Variants in FGF13 observed in about 807,000 individuals in gnomAD.
The protein encoded by FGF13 is fibroblast growth factor 13.
FGF13 carries 2 observed loss-of-function variants against 19.5 expected under a neutral mutation model. The observed-to-expected ratio is 0.10, with a 90% CI of 0.04 to 0.32. FGF13 has a LOEUF of 0.32. Among genes scored for constraint, FGF13 ranks in the 10% least tolerant of loss-of-function variants. The probability of loss-of-function intolerance (pLI) is 1.00; values close to 1 mark genes in which losing one functional copy is unlikely to be tolerated. For synonymous variants in FGF13, 72 were observed against 76.9 expected, an observed-to-expected ratio of 0.94 and a Z score of 0.33; for missense variants, 113 against 192.7, an observed-to-expected ratio of 0.59 and a Z score of 2.45.
intron 1 of FGF13, among the ~76,000 whole-genome samples, chrX:139,010,555 G>C (rs947714762): frequency 9.0e-6 from 1 of 111,729 alleles, no homozygotes; most frequent in Non-Finnish European, 1.9e-5. Flanking sequence ...CTGAATGATG[G>C]TTGGGTCAAC....
intron 1 of FGF13, among the ~76,000 whole-genome samples, chrX:138,892,143 A>T (rs1450442382): frequency 9.0e-6 from 1 of 110,681 alleles, no homozygotes; most frequent in Non-Finnish European, 1.9e-5. Context: ...GAGTGCAAGC[A>T]CTTTTAGGGC....
At chrX:138,921,808 G>A (rs756637471) in intron 1 of FGF13, among the ~76,000 whole-genome samples, 1 of 109,889 alleles carries the variant, frequency 9.1e-6, no homozygotes, top group South Asian at 4.0e-4. Flanking sequence ...ATATCTGAGT[G>A]TGTGATACAC....
chrX:138,720,100 C>T (rs2090137157), intron 1 of FGF13, among the ~76,000 whole-genome samples: 2 of 112,691 alleles, frequency 1.8e-5, no homozygotes, highest in South Asian at 3.7e-4. Context: ...AGCACCAACT[C>T]TACTCCGGGC....
At chrX:138,722,269 A>C (rs767933210) in intron 1 of FGF13, among the ~76,000 whole-genome samples, 205 of 111,880 alleles carry the variant, frequency 1.8e-3, no homozygotes, top group African/African-American at 6.3e-3. Flanking sequence ...GTTGGCATTA[A>C]TAAAAAAGTA....
At position 138,616,577 on chromosome X, in the gene FGF13, G is replaced by A. The variant is rs1273371654; in HGVS notation, c.*16273C>T. 1 of 112,065 alleles carries A rather than the reference G, an allele frequency of 8.9e-6. No individual in the cohort carries two copies. Among genetic ancestry groups the A allele is most frequent in the African/African-American group, 3.2e-5 (1 of 30,831 alleles). The allele number at this position is 112,065 out of a possible 1,213,427, so 9.2% of individuals were successfully genotyped here. A position where few individuals can be genotyped will look rare whatever the true frequency, so the allele number is the denominator to read the frequency against. On this transcript the variant is annotated 3_prime_UTR_variant, in exon 5 of 5. Transcript: ENST00000315930. ...AAGCTATTGGTGGATCTACCATTCT[G>A]GGGTCTGGAGGACTATGGCCCTCTT...
intron 1 of FGF13, among the ~76,000 whole-genome samples, chrX:138,963,775 C>T (rs1208306147): frequency 2.7e-5 from 3 of 111,737 alleles, no homozygotes; most frequent in Non-Finnish European, 5.6e-5. Context: ...CTTCTTTGTC[C>T]TATTTCTAAG....
intron 1 of FGF13, among the ~76,000 whole-genome samples, chrX:139,175,558 A>G (rs768276621): frequency 1.8e-5 from 2 of 111,788 alleles, no homozygotes; most frequent in South Asian, 7.6e-4. Context: ...AGCTCTTATT[A>G]TTTTGAGATA....
chrX:139,091,870 T>A (rs142341566), intron 1 of FGF13, among the ~76,000 whole-genome samples: 1 of 110,461 alleles, frequency 9.1e-6, no homozygotes, highest in Non-Finnish European at 1.9e-5. Flanking sequence ...GGAAAGCCTA[T>A]GGACAAGAAG....
chrX:138,721,962 T>C (rs1416355508), intron 1 of FGF13, among the ~76,000 whole-genome samples: 2 of 111,608 alleles, frequency 1.8e-5, no homozygotes, highest in East Asian at 5.6e-4. Flanking sequence ...TATGCACTTA[T>C]GTTAAAGCCT....
chrX:139,158,206 G>A (rs1370430667), intron 1 of FGF13, among the ~76,000 whole-genome samples: 1 of 91,212 alleles, frequency 1.1e-5, no homozygotes, highest in Non-Finnish European at 2.2e-5. Context: ...CTAGCTAGCT[G>A]CAGCATTTTT....
intron 1 of FGF13, among the ~76,000 whole-genome samples, chrX:139,198,116 G>T (rs976924003): frequency 9.0e-6 from 1 of 110,709 alleles, no homozygotes; most frequent in African/African-American, 3.3e-5. Flanking sequence ...CTTGACTTTG[G>T]TGTTGATTTT....
At chrX:138,709,285 G>C (rs1284325043) in intron 1 of FGF13, among the ~76,000 whole-genome samples, 1 of 112,017 alleles carries the variant, frequency 8.9e-6, no homozygotes, top group Non-Finnish European at 1.9e-5. Flanking sequence ...GAAAGGAAAA[G>C]GAGAAATAGA....
intron 1 of FGF13, among the ~76,000 whole-genome samples, chrX:138,889,291 T>G (rs1466433605): frequency 8.9e-6 from 1 of 112,174 alleles, no homozygotes; most frequent in Non-Finnish European, 1.9e-5. Context: ...AACACATGTC[T>G]GTTGCATAAC....
intron 2 of FGF13, among the ~76,000 whole-genome samples, chrX:138,861,844 A>T (rs759229413): frequency 4.5e-5 from 5 of 110,767 alleles, no homozygotes; most frequent in Admixed American, 9.6e-5. Flanking sequence ...CTCTACTAAA[A>T]ATACAAAAAT....
chrX:139,057,278 T>C (rs2092322985), intron 1 of FGF13, among the ~76,000 whole-genome samples: 1 of 111,088 alleles, frequency 9.0e-6, no homozygotes, highest in African/African-American at 3.3e-5. Flanking sequence ...ATCAGTATTA[T>C]TTTCTGAGTA....
At chrX:138,917,836 G>A (rs780090653) in intron 1 of FGF13, among the ~76,000 whole-genome samples, 1 of 111,523 alleles carries the variant, frequency 9.0e-6, no homozygotes, top group Non-Finnish European at 1.9e-5. Flanking sequence ...AGGCTTTCAG[G>A]TCTCTAATTA....
intron 3 of FGF13, among the ~76,000 whole-genome samples, chrX:138,847,897 T>C (rs1027808732): frequency 8.9e-6 from 1 of 111,850 alleles, no homozygotes; most frequent in African/African-American, 3.2e-5. Context: ...TACAAGCTGC[T>C]TGAGTCAAGC....
chrX:139,181,389 CCTCTT>C (rs1292779151), intron 1 of FGF13, among the ~76,000 whole-genome samples: 2 of 112,728 alleles, frequency 1.8e-5, no homozygotes, highest in Non-Finnish European at 3.7e-5. Context: ...ACTCTAGTTG[CCTCTT>C]CTCTTCACTT....
chrX:138,980,591 A>G lies in FGF13; in HGVS notation c.-112-115941T>C, dbSNP rs760149052. 2.7e-5 allele frequency among the ~76,000 whole-genome samples: 3 copies of G among 111,053 alleles called. No individual in the cohort carries two copies. The East Asian group carries it at 8.5e-4, about 31-fold the overall frequency. On this transcript the variant is annotated intron_variant, in intron 1 of 2. Transcript: ENST00000421460. ...ATTGCTAACACTCTTCCCATGAAAC[A>G]GCTGCTTGATAAATTCTAATAATCT...
Sources: gnomAD v4.1 joint callset for allele counts (sites outside exome capture counted in the v4.1 genomes callset) on GRCh38, gnomAD v4.1.1 for gene constraint, MANE v1.5 for transcripts, NCBI Gene and HGNC (gene_info 2026-07-23, HGNC 2026-07-21) for gene names.